SMARCA2: variants seen among roughly 807,000 people sequenced by gnomAD.
SMARCA2 encodes SWI/SNF related BAF chromatin remodeling complex subunit ATPase 2, also known as SWI/SNF-related matrix-associated actin-dependent regulator of chromatin subfamily A member 2.
SMARCA2 carries 61 observed loss-of-function variants against 199.8 expected under a neutral mutation model. The ratio of observed to expected loss-of-function variants is 0.31; its 90% CI spans 0.25 to 0.38. SMARCA2 has a LOEUF of 0.38. Among genes scored for constraint, SMARCA2 ranks in the 10% least tolerant of loss-of-function variants. SMARCA2 has a pLI of 1.00. For missense variants in SMARCA2, 1,344 were observed against 2,012.2 expected, an observed-to-expected ratio of 0.67 and a Z score of 6.35; for synonymous variants, 935 against 732.0, an observed-to-expected ratio of 1.28 and a Z score of -4.48.
intron 27 of SMARCA2, among the ~76,000 whole-genome samples, chr9:2,143,914 G>A (rs1182576013): frequency 6.6e-6 from 1 of 152,130 alleles, no homozygotes; most frequent in African/African-American, 2.4e-5. Flanking sequence ...CCCTCTGAAG[G>A]TTCGTTGAGA....
chr9:2,039,516 A>G lies in SMARCA2; in HGVS notation c.406A>G (p.Ser136Gly). ...ATTAGGAGCCCCAGAGCACGTCTCC[A>G]GCCCTATGTCTGGAGGAGGCCCAAC... is the stretch of plus-strand genomic sequence containing the variant. ...SPLGAPEHVS[S>G]PMSGGGPTPP... The change falls in exon 4 of 34, where the codon AGC becomes GGC. Residue 136 changes from serine to glycine, a missense_variant. Physicochemically the swap from Ser to Gly is moderately conservative, Grantham distance 56 (BLOSUM62 0). Transcript: ENST00000349721. This position sits in a 1 kb window ranked among gnomAD's most constrained non-coding sequence, Gnocchi z 4.8. 6.2e-7 allele frequency: 1 copy of G among 1,614,128 alleles called. No individual in the cohort carries two copies. The highest frequency in any genetic ancestry group is 8.5e-7 in the Non-Finnish European group (1 of 1,180,006).
intron 6 of SMARCA2, chr9:2,055,724 G>C (rs992754367): frequency 2.6e-5 from 4 of 152,120 alleles, no homozygotes; most frequent in African/African-American, 9.7e-5. Context: ...GTAGATTTCA[G>C]CTTAAATTTT....
chr9:2,019,798 G>A (rs1443575471), intron 1 of SMARCA2, among the ~76,000 whole-genome samples: 1 of 150,702 alleles, frequency 6.6e-6, no homozygotes, highest in African/African-American at 2.4e-5. Flanking sequence ...AAGTGGTGCT[G>A]TCCTCCAGTG....
At chr9:2,128,524 C>A (rs1239117443) in intron 27 of SMARCA2, among the ~76,000 whole-genome samples, 1 of 152,350 alleles carries the variant, frequency 6.6e-6, no homozygotes, top group East Asian at 1.9e-4. Flanking sequence ...CTGGCCCCTT[C>A]CTCAGCAGTT....
intron 3 of SMARCA2, among the ~76,000 whole-genome samples, chr9:2,036,091 T>C (rs1819317467): frequency 6.6e-6 from 1 of 152,188 alleles, no homozygotes; most frequent in South Asian, 2.1e-4. Flanking sequence ...AAATACTGAA[T>C]TGTGTACCTT....
intron 4 of SMARCA2, 146 bp downstream of exon 4, chr9:2,040,046 G>T: frequency 7.1e-7 from 1 of 1,415,570 alleles, no homozygotes; most frequent in South Asian, 1.4e-5. Context: ...GCTCCACTTA[G>T]ATGGCCAAGA....
At chr9:2,078,571 G>A (rs1049129496) in intron 14 of SMARCA2, among the ~76,000 whole-genome samples, 7 of 152,056 alleles carry the variant, frequency 4.6e-5, no homozygotes, top group African/African-American at 1.7e-4. Flanking sequence ...CTAATTCCCT[G>A]TGTTCTACCT....
intron 26 of SMARCA2, among the ~76,000 whole-genome samples, chr9:2,120,434 G>T (rs1279390205): frequency 6.6e-6 from 1 of 152,196 alleles, no homozygotes; most frequent in Non-Finnish European, 1.5e-5. Context: ...TTCAAGGGGA[G>T]CTTGAAGTCT....
chr9:2,174,186 C>T (rs1050640842), intron 29 of SMARCA2, among the ~76,000 whole-genome samples: 6 of 152,128 alleles, frequency 3.9e-5, no homozygotes, highest in Non-Finnish European at 8.8e-5. Flanking sequence ...GCCTCTCAAG[C>T]TCCAGGCCAA....
At chr9:2,186,503 A>C (rs1225558977) in intron 32 of SMARCA2, among the ~76,000 whole-genome samples, 1 of 151,904 alleles carries the variant, frequency 6.6e-6, no homozygotes, top group Non-Finnish European at 1.5e-5. Context: ...TATTTCTTTT[A>C]TTTATTTATT....
intron 6 of SMARCA2, among the ~76,000 whole-genome samples, chr9:2,055,064 G>A (rs897166502): frequency 3.9e-5 from 6 of 152,240 alleles, no homozygotes; most frequent in African/African-American, 7.2e-5. Flanking sequence ...GGAAAAACCA[G>A]AAGGTAGTGG....
chr9:2,149,943 G>T (rs957604135), intron 27 of SMARCA2, among the ~76,000 whole-genome samples: 1 of 151,436 alleles, frequency 6.6e-6, no homozygotes, highest in Non-Finnish European at 1.5e-5. Context: ...TGAAATGAGT[G>T]TACATTTCAA....
chr9:2,029,271 A>G (rs1676717019), intron 2 of SMARCA2, 24 bp downstream of exon 2: 1 of 1,593,136 alleles, frequency 6.3e-7, no homozygotes, highest in Non-Finnish European at 8.6e-7. Flanking sequence ...CTCCCATTCA[A>G]ACTCAACTTC....
intron 26 of SMARCA2, among the ~76,000 whole-genome samples, chr9:2,120,080 G>C (rs78366081): frequency 0.012 from 1,763 of 152,314 alleles, 32 homozygotes; most frequent in African/African-American, 0.041. Context: ...GATTGTTGAC[G>C]AGAGCCCGCT....
intron 27 of SMARCA2, among the ~76,000 whole-genome samples, chr9:2,156,414 C>CTTTTTTTTTTTTT (rs57161267): frequency 1.9e-4 from 13 of 69,150 alleles, no homozygotes; most frequent in East Asian, 8.7e-4. Context: ...CCATTTTAGA[C>CTTTTTTTTTTTTT]TTTTTTTTTT....
At position 2,191,313 on chromosome 9, in the gene SMARCA2, G is replaced by A; in HGVS notation, c.4642G>A (p.Gly1548Ser). ...TAAGCTCAATAAAAAAGATGACAAA[G>A]GCCGGGACAAAGGGAAAGGCAAGAA... ...KIKLNKKDDK[G>S]RDKGKGKKRP... Residue 1548 changes from glycine to serine, a missense_variant, in exon 33 of 34, where the codon GGC becomes AGC. Gly to Ser is a moderately conservative substitution (Grantham distance 56). Transcript: ENST00000349721. 2 of 1,614,062 alleles carry A rather than the reference G, an allele frequency of 1.2e-6. No homozygotes were observed. Among genetic ancestry groups the A allele is most frequent in the East Asian group, 2.2e-5 (1 of 44,878 alleles).
intron 26 of SMARCA2, among the ~76,000 whole-genome samples, chr9:2,122,487 G>A (rs773597787): frequency 6.6e-6 from 1 of 152,134 alleles, no homozygotes; most frequent in Non-Finnish European, 1.5e-5. Flanking sequence ...ATTAAGCATC[G>A]TGAGCTAATT....
intron 5 of SMARCA2, among the ~76,000 whole-genome samples, chr9:2,052,678 C>A (rs1163455514): frequency 6.6e-6 from 1 of 152,122 alleles, no homozygotes; most frequent in Non-Finnish European, 1.5e-5. Flanking sequence ...AAAATGATGA[C>A]ATTTTATTTC....
chr9:2,165,788 C>T (rs939729564), intron 28 of SMARCA2, among the ~76,000 whole-genome samples: 2 of 152,180 alleles, frequency 1.3e-5, no homozygotes, highest in Admixed American at 6.5e-5. Flanking sequence ...GGAGCTATTC[C>T]AACTCTAGAG....
Sources: allele counts gnomAD v4.1 joint callset (sites outside exome capture counted in the v4.1 genomes callset), GRCh38; gene constraint gnomAD v4.1.1; non-coding constraint Gnocchi (gnomAD v3.1); transcripts MANE v1.5; gene names NCBI Gene and HGNC (gene_info 2026-07-23, HGNC 2026-07-21).